Variants in ARL8B observed in about 807,000 individuals in gnomAD.
ARL8B encodes the protein ARF like GTPase 8B.
Under a neutral mutation model 30.6 loss-of-function variants are expected in ARL8B, and 9 were observed. The ratio of observed to expected loss-of-function variants is 0.29; its 90% CI spans 0.18 to 0.51. The LOEUF (loss-of-function observed/expected upper bound fraction) is 0.51. Among genes scored for constraint, ARL8B ranks in the 20% least tolerant of loss-of-function variants. The probability of loss-of-function intolerance (pLI) is 0.97; values close to 1 mark genes in which losing one functional copy is unlikely to be tolerated. For missense variants in ARL8B, 130 were observed against 227.2 expected (o/e 0.57, Z 2.75); for synonymous variants, 74 against 76.0 (o/e 0.97, Z 0.14).
intron 1 of ARL8B, among the ~76,000 whole-genome samples, chr3:5,142,801 C>T (rs747375241): frequency 2.0e-5 from 3 of 152,156 alleles, no homozygotes; most frequent in Non-Finnish European, 4.4e-5. Flanking sequence ...GTGATGTCTG[C>T]CCCTCACGTA....
At chr3:5,123,429 T>C (rs1311547723) in intron 1 of ARL8B, among the ~76,000 whole-genome samples, 1 of 152,192 alleles carries the variant, frequency 6.6e-6, no homozygotes, top group Admixed American at 6.5e-5. Context: ...TGTTCAGCAA[T>C]GATTGAGTAG....
intron 1 of ARL8B, chr3:5,156,912 C>T (rs935100395): frequency 3.3e-5 from 5 of 151,810 alleles, no homozygotes; most frequent in African/African-American, 9.7e-5. Context: ...AGCCATGATT[C>T]TTCATATGTT....
chr3:5,178,823 T>A lies in ARL8B; in HGVS notation c.*110T>A, dbSNP rs2054752982. The A allele has an allele frequency of 6.5e-7, 1 of 1,545,652 alleles. No individual in the cohort carries two copies. On this transcript the variant is annotated 3_prime_UTR_variant, in exon 7 of 7. Coordinates refer to ENST00000256496, the MANE Select transcript of ARL8B (RefSeq NM_018184.3). ...TCCTTCCTAAACCCCAGAAATTGCCTTTTTCAGAGTTTATTTCTCATGTGC... is the reference window on the plus strand; with the variant it reads ...TCCTTCCTAAACCCCAGAAATTGCCATTTTCAGAGTTTATTTCTCATGTGC...
At chr3:5,137,919 C>A (rs2054341944) in intron 1 of ARL8B, among the ~76,000 whole-genome samples, 1 of 151,954 alleles carries the variant, frequency 6.6e-6, no homozygotes, top group South Asian at 2.1e-4. Context: ...CTTTTTAAAT[C>A]TTCTTTCTTT....
In ARL8B at chr3:5,127,689, C is replaced by T. The variant is rs574490133; in HGVS notation, c.123+5101C>T. 4.4e-4 allele frequency among the ~76,000 whole-genome samples: 67 copies of T among 151,778 alleles called. 1 individual carries two copies. In the South Asian group the frequency reaches 6.0e-3, roughly 14 times the overall value. On this transcript the variant is annotated intron_variant, in intron 1 of 6. Transcript: ENST00000256496. ...GAGATCAAGACCATCCTGGCTAATG[C>T]GGTGAAACCCCGTCTCTACTAAAAA... is the stretch of plus-strand genomic sequence containing the variant.
At chr3:5,138,946 A>G (rs769040852) in intron 1 of ARL8B, among the ~76,000 whole-genome samples, 2 of 152,186 alleles carry the variant, frequency 1.3e-5, no homozygotes, top group African/African-American at 4.8e-5. Context: ...TATTCAGCCC[A>G]TGGCATTCTC....
At chr3:5,167,156 A>AAG (rs1559285119) in intron 1 of ARL8B, among the ~76,000 whole-genome samples, 2 of 152,200 alleles carry the variant, frequency 1.3e-5, no homozygotes, top group Non-Finnish European at 2.9e-5. Context: ...TTGTTCAACC[A>AAG]AGTTCCAGGT....
chr3:5,125,094 C>G (rs145250899), intron 1 of ARL8B, among the ~76,000 whole-genome samples: 1 of 152,276 alleles, frequency 6.6e-6, no homozygotes, highest in Non-Finnish European at 1.5e-5. Flanking sequence ...GATTTGAAAT[C>G]TGGCTCTGCC....
At chr3:5,130,738 G>A (rs1004417179) in intron 1 of ARL8B, among the ~76,000 whole-genome samples, 1 of 151,738 alleles carries the variant, frequency 6.6e-6, no homozygotes, top group Admixed American at 6.6e-5. Context: ...GTTTCGCTAC[G>A]TTGGCCAGGC....
At chr3:5,159,421 G>A (rs2054560833) in intron 1 of ARL8B, among the ~76,000 whole-genome samples, 1 of 151,538 alleles carries the variant, frequency 6.6e-6, no homozygotes, top group Non-Finnish European at 1.5e-5. Flanking sequence ...TGACCAATAT[G>A]GAGAAACCCT....
intron 5 of ARL8B, 64 bp from the exon 6 acceptor site, chr3:5,174,280 G>T: frequency 1.6e-6 from 2 of 1,233,706 alleles, no homozygotes; most frequent in South Asian, 2.5e-5. Context: ...GAGTAAAATT[G>T]AACAAAGTGA....
At position 5,179,712 on chromosome 3, in the gene ARL8B, T is replaced by C. The variant is rs977157594; in HGVS notation, c.*999T>C. On this transcript the variant is annotated 3_prime_UTR_variant, in exon 7 of 7. Transcript: ENST00000256496. The stretch of plus-strand genomic sequence containing the variant: ...AGCACAAAAGATACTTATAAACAAA[T>C]AAAAAATTTTTATTTTTCTCTCTTA... The C allele has an allele frequency of 3.9e-5, 6 of 152,526 alleles. No homozygotes were observed. The highest frequency in any genetic ancestry group is 3.3e-4 in the Admixed American group (5 of 15,272). The allele number at this position is 152,526 out of a possible 1,614,324, so 9.4% of individuals were successfully genotyped here.
intron 1 of ARL8B, among the ~76,000 whole-genome samples, chr3:5,168,022 T>C (rs887371451): frequency 1.3e-5 from 2 of 152,232 alleles, no homozygotes; most frequent in African/African-American, 4.8e-5. Flanking sequence ...AAGCACTTTA[T>C]TGGCAGAAGA....
chr3:5,171,257 T>C (rs746468361), intron 2 of ARL8B, among the ~76,000 whole-genome samples: 39 of 152,220 alleles, frequency 2.6e-4, no homozygotes, highest in Non-Finnish European at 5.0e-4. Context: ...CTTGAGACTT[T>C]AATGTAGCCC....
chr3:5,139,551 C>G (rs1372920272), intron 1 of ARL8B, among the ~76,000 whole-genome samples: 1 of 152,084 alleles, frequency 6.6e-6, no homozygotes, highest in Non-Finnish European at 1.5e-5. Flanking sequence ...TCATTAGGAG[C>G]CTTGCAGACA....
At chr3:5,173,935 G>T in intron 4 of ARL8B, 82 bp from the exon 5 acceptor site, 1 of 1,013,346 alleles carries the variant, frequency 9.9e-7, no homozygotes, top group Non-Finnish European at 1.6e-6. Flanking sequence ...TCTTAACTTT[G>T]TGTCTTCACA....
At chr3:5,138,474 C>G (rs1222962525) in intron 1 of ARL8B, among the ~76,000 whole-genome samples, 3 of 152,242 alleles carry the variant, frequency 2.0e-5, no homozygotes, top group South Asian at 2.1e-4. Flanking sequence ...ACCTTGACCT[C>G]AAGTTTTCTT....
Position 5,122,439 on chromosome 3 carries a change from C to T in ARL8B, c.-27C>T. On this transcript the variant is annotated 5_prime_UTR_variant, in exon 1 of 7. Coordinates refer to ENST00000256496, the MANE Select transcript of ARL8B (RefSeq NM_018184.3). ...CGACGCCGCCGCTCGTCCGTCCTCCCGTCCGTTCTCGCTCCCGGCCGCCAT... is the reference window on the plus strand; with the variant it reads ...CGACGCCGCCGCTCGTCCGTCCTCCTGTCCGTTCTCGCTCCCGGCCGCCAT... The T allele has an allele frequency of 6.2e-7, 1 of 1,611,500 alleles. No homozygotes were observed. The highest frequency in any genetic ancestry group is 8.5e-7 in the Non-Finnish European group (1 of 1,179,342).
chr3:5,157,711 CTG>C (rs1244982186), intron 1 of ARL8B: 1 of 152,242 alleles, frequency 6.6e-6, no homozygotes, highest in African/African-American at 2.4e-5. Flanking sequence ...TTCTCCCACT[CTG>C]TATTCCTCAC....
Sources: gnomAD v4.1 joint callset for allele counts (sites outside exome capture counted in the v4.1 genomes callset) on GRCh38, gnomAD v4.1.1 for gene constraint, MANE v1.5 for transcripts, NCBI Gene and HGNC (gene_info 2026-07-23, HGNC 2026-07-21) for gene names.